The following USP24 variants were observed in gnomAD, a reference collection of about 807,000 sequenced individuals.
USP24 encodes ubiquitin specific peptidase 24.
USP24 carries 97 observed loss-of-function variants against 361.6 expected under a neutral mutation model. That is an observed-to-expected ratio of 0.27 (90% CI 0.23 to 0.32). The LOEUF (loss-of-function observed/expected upper bound fraction) is 0.32. Among genes scored for constraint, USP24 ranks in the 10% least tolerant of loss-of-function variants. The pLI is 1.00. For missense variants in USP24, 2,353 were observed against 3,165.6 expected (o/e 0.74, Z 6.16); for synonymous variants, 1,098 against 1,124.6 (o/e 0.98, Z 0.47).
intron 1 of USP24, among the ~76,000 whole-genome samples, chr1:55,199,097 T>C (rs889053046): frequency 6.6e-6 from 1 of 152,038 alleles, no homozygotes; most frequent in Non-Finnish European, 1.5e-5. Flanking sequence ...TGGGACCAGC[T>C]TGGCCAACAG....
intron 22 of USP24, 29 bp downstream of exon 22, chr1:55,142,950 A>G (rs1475881287): frequency 6.1e-6 from 9 of 1,475,640 alleles, no homozygotes; most frequent in Non-Finnish European, 8.2e-6. Flanking sequence ...TTTTTTGTAT[A>G]TGGATAACTT....
At chr1:55,195,783 A>G (rs1409940278) in intron 1 of USP24, among the ~76,000 whole-genome samples, 1 of 152,156 alleles carries the variant, frequency 6.6e-6, no homozygotes, top group Non-Finnish European at 1.5e-5. Context: ...GGGTGCCAGG[A>G]GCTAGGGGGT....
chr1:55,139,234 T>G (rs900120304), intron 24 of USP24, among the ~76,000 whole-genome samples: 5 of 152,216 alleles, frequency 3.3e-5, no homozygotes, highest in Non-Finnish European at 7.3e-5. Context: ...CCTCCCCATG[T>G]TTCCTTTCCT....
intron 1 of USP24, among the ~76,000 whole-genome samples, chr1:55,180,855 G>A (rs1643944540): frequency 6.6e-6 from 1 of 152,048 alleles, no homozygotes. Context: ...ATCTATTTTT[G>A]ACCACCTCTG....
In USP24 at chr1:55,074,001, C is replaced by G. The variant is rs1473546726; in HGVS notation, c.7448-95G>C. The G allele has an allele frequency of 4.3e-6, 4 of 920,802 alleles. No homozygotes were observed. In the East Asian group the frequency reaches 9.4e-5, roughly 22 times the overall value. 57.0% of individuals were successfully genotyped at this position (920,802 alleles called of 1,614,324 possible). ...CTCTCTTGTTCTAAAAATCGACAAA[C>G]TATTTTAATAAACAGATAAGGAACA... is the stretch of plus-strand genomic sequence containing the variant. On this transcript the variant is annotated intron_variant, in intron 63 of 67. Coordinates refer to ENST00000294383, the MANE Select transcript of USP24 (RefSeq NM_015306.3).
chr1:55,100,778 G>A, intron 44 of USP24, 61 bp downstream of exon 44: 1 of 1,490,548 alleles, frequency 6.7e-7, no homozygotes, highest in South Asian at 1.5e-5. Flanking sequence ...ATTACCATTA[G>A]AGAAAGAATG....
At chr1:55,106,437 G>A (rs778484255) in intron 40 of USP24, among the ~76,000 whole-genome samples, 174 bp from the exon 41 acceptor site, 10 of 152,234 alleles carry the variant, frequency 6.6e-5, no homozygotes, top group African/African-American at 1.7e-4. Flanking sequence ...AAGCTTGTGG[G>A]GTAGACTACA....
chr1:55,151,345 C>T (rs539534995), intron 16 of USP24, among the ~76,000 whole-genome samples: 2 of 152,118 alleles, frequency 1.3e-5, no homozygotes, highest in Non-Finnish European at 2.9e-5. Context: ...CTGTACTAAC[C>T]ACATCATGTG....
chr1:55,179,787 C>T (rs2100831655), intron 1 of USP24, among the ~76,000 whole-genome samples: 1 of 152,238 alleles, frequency 6.6e-6, no homozygotes, highest in South Asian at 2.1e-4. Flanking sequence ...CATTTCTCTC[C>T]AATTCCTCTA....
At position 55,100,801 on chromosome 1, in the gene USP24, T is replaced by C. The variant is rs1033198675; in HGVS notation, c.5271+38A>G. On this transcript the variant is annotated intron_variant, in intron 44 of 67. Transcript: ENST00000294383. ...TAGAGAAAGAATGTAGCCAAATATT[T>C]AACATCTTTAAATCTCAAGAGTTAC... 9.0e-6 allele frequency: 14 copies of C among 1,558,170 alleles called. No individual in the cohort carries two copies. The Admixed American group carries it at 1.9e-4, about 21-fold the overall frequency.
Position 55,102,123 on chromosome 1 carries a change from T to C in USP24, c.5026-420A>G, listed in dbSNP as rs530108166. Among the ~76,000 whole-genome samples, 13 of 152,264 alleles carry C rather than the reference T, an allele frequency of 8.5e-5. No homozygotes were observed. In the East Asian group the frequency reaches 2.5e-3, roughly 29 times the overall value. On this transcript the variant is annotated intron_variant, in intron 42 of 67. Coordinates refer to ENST00000294383, the MANE Select transcript of USP24 (RefSeq NM_015306.3). ...ATAATCAAGCAAATGTCCTACTATA[T>C]ATTCATGAATTAAGGTAGTACTCTG...
chr1:55,151,803 G>A, intron 16 of USP24: 1 of 777,654 alleles, frequency 1.3e-6, no homozygotes, highest in Non-Finnish European at 1.6e-6. Context: ...CACAACAGTG[G>A]AACTTGGGAA....
intron 12 of USP24, among the ~76,000 whole-genome samples, chr1:55,155,609 T>A (rs1042771052): frequency 1.3e-5 from 2 of 152,198 alleles, no homozygotes. Flanking sequence ...GACTGTTTTC[T>A]TTTACTCCTG....
At chr1:55,093,001 T>C (rs1329565610) in intron 52 of USP24, 85 bp from the exon 53 acceptor site, 7 of 855,856 alleles carry the variant, frequency 8.2e-6, no homozygotes, top group South Asian at 6.5e-5. Flanking sequence ...TGTAAAAATA[T>C]AGGTAAAAAG....
chr1:55,212,276 G>A (rs945643554), intron 1 of USP24, among the ~76,000 whole-genome samples: 3 of 152,104 alleles, frequency 2.0e-5, no homozygotes, highest in Non-Finnish European at 4.4e-5. Flanking sequence ...TTGCACAGTA[G>A]CCTTAAAATA....
intron 1 of USP24, among the ~76,000 whole-genome samples, chr1:55,201,368 C>T (rs1353353126): frequency 6.6e-6 from 1 of 151,304 alleles, no homozygotes; most frequent in Non-Finnish European, 1.5e-5. Flanking sequence ...TTTGGGAGGC[C>T]AAGGCAGGTG....
At chr1:55,082,268 T>C (rs1048264584) in intron 58 of USP24, among the ~76,000 whole-genome samples, 2 of 152,216 alleles carry the variant, frequency 1.3e-5, no homozygotes, top group African/African-American at 4.8e-5. Flanking sequence ...TTAACATCTC[T>C]GAGCTTTACT....
chr1:55,165,828 A>G, intron 7 of USP24, 57 bp downstream of exon 7: 2 of 1,460,826 alleles, frequency 1.4e-6, no homozygotes, highest in African/African-American at 2.8e-5. Context: ...CTCTGGCTGT[A>G]CACCAACTCA....
intron 24 of USP24, 98 bp from the exon 25 acceptor site, chr1:55,139,108 A>G: frequency 9.3e-7 from 1 of 1,078,756 alleles, no homozygotes; most frequent in Admixed American, 2.4e-5. Flanking sequence ...AACAGTTAGC[A>G]CTCACTGGTC....
Sources: allele counts gnomAD v4.1 joint callset (sites outside exome capture counted in the v4.1 genomes callset), GRCh38; gene constraint gnomAD v4.1.1; transcripts MANE v1.5; gene names NCBI Gene and HGNC (gene_info 2026-07-23, HGNC 2026-07-21).